Variants in MYLK4 observed in about 807,000 individuals in gnomAD.
The protein encoded by MYLK4 is caMLCK like.
Under a neutral mutation model 48.1 loss-of-function variants are expected in MYLK4, and 46 were observed. The ratio of observed to expected loss-of-function variants is 0.96; its 90% CI spans 0.75 to 1.22. The LOEUF (loss-of-function observed/expected upper bound fraction) is 1.22. Among genes scored for constraint, MYLK4 ranks in the 50% most tolerant of loss-of-function variants. MYLK4 has a pLI of 0.00. For synonymous variants in MYLK4, 170 were observed against 180.8 expected (o/e 0.94, Z 0.48); for missense variants, 451 against 486.1 (o/e 0.93, Z 0.68).
intron 2 of MYLK4, among the ~76,000 whole-genome samples, chr6:2,734,564 G>T (rs964923433): frequency 1.7e-4 from 26 of 152,082 alleles, no homozygotes; most frequent in African/African-American, 6.0e-4. Flanking sequence ...TTCAAGAAAG[G>T]ATGCTGCCTG....
intron 2 of MYLK4, among the ~76,000 whole-genome samples, chr6:2,693,823 T>C (rs1277479939): frequency 6.7e-6 from 1 of 149,708 alleles, no homozygotes; most frequent in Admixed American, 6.7e-5. Context: ...AATGGCGCAA[T>C]CTCAGCTCAC....
In MYLK4 at chr6:2,724,293, C is replaced by T. The variant is rs554228658; in HGVS notation, c.159+24843G>A. 3.3e-5 allele frequency among the ~76,000 whole-genome samples: 5 copies of T among 152,304 alleles called. No individual in the cohort carries two copies. In the South Asian group the frequency reaches 1.0e-3, roughly 32 times the overall value. Reference sequence around the variant, plus strand: ...TGCTTAGTCATTGTCACCAAAAACCCATGTCTCCCAGTGTTCCTGCTCCTG... The same window carrying T: ...TGCTTAGTCATTGTCACCAAAAACCTATGTCTCCCAGTGTTCCTGCTCCTG... On this transcript the variant is annotated intron_variant, in intron 2 of 12. Coordinates refer to ENST00000274643, the MANE Select transcript of MYLK4 (RefSeq NM_001012418.5).
chr6:2,693,956 G>A (rs1354758921), intron 2 of MYLK4, among the ~76,000 whole-genome samples: 7 of 151,954 alleles, frequency 4.6e-5, no homozygotes, highest in Admixed American at 4.6e-4. Context: ...ACGGGGTTTT[G>A]CCACATTTGC....
chr6:2,769,477 T>A, the MYLK4 span, among the ~76,000 whole-genome samples: 3 of 152,138 alleles, frequency 2.0e-5, no homozygotes, highest in Non-Finnish European at 4.4e-5. Context: ...TAAAAAAAAA[T>A]TAAATTTTTA....
chr6:2,689,365 CAG>C (rs1193772915), intron 3 of MYLK4, among the ~76,000 whole-genome samples: 2 of 152,094 alleles, frequency 1.3e-5, no homozygotes, highest in African/African-American at 4.8e-5. Flanking sequence ...TTAATTATAT[CAG>C]AGACAAAAAA....
chr6:2,745,200 G>A (rs1488655933), intron 2 of MYLK4, among the ~76,000 whole-genome samples: 3 of 152,162 alleles, frequency 2.0e-5, no homozygotes, highest in Non-Finnish European at 4.4e-5. Context: ...TTAAGCAAAG[G>A]GGTGTGGGGG....
At chr6:2,688,818 G>A (rs1761663289) in intron 4 of MYLK4, 33 bp downstream of exon 4, 1 of 1,557,012 alleles carries the variant, frequency 6.4e-7, no homozygotes, top group Non-Finnish European at 8.9e-7. Context: ...CTCTTCTTTT[G>A]TTGAGAGAAT....
intron 7 of MYLK4, among the ~76,000 whole-genome samples, chr6:2,681,461 A>T (rs1356889593): frequency 6.6e-6 from 1 of 152,208 alleles, no homozygotes; most frequent in Non-Finnish European, 1.5e-5. Context: ...TCACTGATGG[A>T]TCATGTATAA....
chr6:2,683,168 G>C lies in MYLK4; in HGVS notation c.546-6C>G, dbSNP rs768337713. ...ACAGCTCCCCACCATCCACACTGCA[G>C]AGGGAAGAGGACTGAAACCCTCAGT... On this transcript the variant is annotated splice_polypyrimidine_tract_variant and splice_region_variant and intron_variant, in intron 6 of 12. Transcript: ENST00000274643. The C allele has an allele frequency of 6.2e-7, 1 of 1,614,118 alleles. No homozygotes were observed. The highest frequency in any genetic ancestry group is 2.2e-5 in the East Asian group (1 of 44,890).
At chr6:2,681,944 A>G (rs1033555374) in intron 7 of MYLK4, among the ~76,000 whole-genome samples, 10 of 152,250 alleles carry the variant, frequency 6.6e-5, no homozygotes, top group African/African-American at 2.4e-4. Flanking sequence ...AGCATGCATT[A>G]TCAAACTCAG....
chr6:2,761,772 T>C, the MYLK4 span, among the ~76,000 whole-genome samples: 1 of 152,172 alleles, frequency 6.6e-6, no homozygotes, highest in Non-Finnish European at 1.5e-5. Context: ...ATAGCTCAAC[T>C]TCATCCATGT....
At chr6:2,723,773 A>G (rs372207769) in intron 2 of MYLK4, among the ~76,000 whole-genome samples, 72 of 152,334 alleles carry the variant, frequency 4.7e-4, no homozygotes, top group African/African-American at 1.7e-3. Flanking sequence ...GAGCCCCACT[A>G]TTTCTGGGAT....
chr6:2,763,697 G>A, the MYLK4 span, among the ~76,000 whole-genome samples: 1 of 152,230 alleles, frequency 6.6e-6, no homozygotes, highest in African/African-American at 2.4e-5. Context: ...GCCTTGGCCC[G>A]CCCAGGAAAG....
At chr6:2,671,451 G>A in intron 11 of MYLK4, 103 bp from the exon 12 acceptor site, 3 of 1,105,890 alleles carry the variant, frequency 2.7e-6, no homozygotes. Flanking sequence ...TGAGGAGAAG[G>A]TGCTCTTCAA....
intron 6 of MYLK4, among the ~76,000 whole-genome samples, chr6:2,683,592 G>A (rs1030797529): frequency 1.3e-5 from 2 of 152,050 alleles, no homozygotes; most frequent in African/African-American, 4.8e-5. Flanking sequence ...GCTAATTTTT[G>A]TATTTTTAGT....
At chr6:2,747,580 C>G (rs917335694) in intron 2 of MYLK4, among the ~76,000 whole-genome samples, 1 of 152,150 alleles carries the variant, frequency 6.6e-6, no homozygotes, top group African/African-American at 2.4e-5. Context: ...GTCTCAAACT[C>G]CTGGCCTCCA....
At chr6:2,759,848 A>G in the MYLK4 span, among the ~76,000 whole-genome samples, 1 of 152,220 alleles carries the variant, frequency 6.6e-6, no homozygotes, top group African/African-American at 2.4e-5. Context: ...ATTGAAGTAG[A>G]CTTTTGTCAA....
rs866076610 is a variant in MYLK4 at position 2,715,995 on chromosome 6, A to G, written c.160-23136T>C. Among the ~76,000 whole-genome samples, 5 of 148,426 alleles carry G rather than the reference A, an allele frequency of 3.4e-5. No homozygotes were observed. In the South Asian group the frequency reaches 1.1e-3, roughly 32 times the overall value. ...GCCCCAGGGATTCCAGAACCTTTGC[A>G]CTCTGGTCAAAGCTCTCTGCTGCCT... On this transcript the variant is annotated intron_variant, in intron 2 of 12. Transcript: ENST00000274643.
chr6:2,733,619 A>G (rs1763555087), intron 2 of MYLK4, among the ~76,000 whole-genome samples: 1 of 152,188 alleles, frequency 6.6e-6, no homozygotes, highest in South Asian at 2.1e-4. Flanking sequence ...ATGTTTTAAA[A>G]TTTAATACGT....
Sources: allele counts gnomAD v4.1 joint callset (sites outside exome capture counted in the v4.1 genomes callset), GRCh38; gene constraint gnomAD v4.1.1; transcripts MANE v1.5; gene names NCBI Gene and HGNC (gene_info 2026-07-23, HGNC 2026-07-21).